SCFD2: variants seen among roughly 807,000 people sequenced by gnomAD.
SCFD2 encodes sec1 family domain containing 2.
SCFD2 carries 54 observed loss-of-function variants against 58.9 expected under a neutral mutation model. The observed-to-expected ratio is 0.92, with a 90% CI of 0.74 to 1.15. The LOEUF (loss-of-function observed/expected upper bound fraction) is 1.15. Ranked by LOEUF, SCFD2 falls within the 50% of genes most tolerant of loss-of-function variation. The probability of loss-of-function intolerance (pLI) is 0.00; values close to 1 mark genes in which losing one functional copy is unlikely to be tolerated. For synonymous variants in SCFD2, 321 were observed against 335.9 expected, an observed-to-expected ratio of 0.96 and a Z score of 0.49; for missense variants, 805 against 836.6, an observed-to-expected ratio of 0.96 and a Z score of 0.47.
At chr4:53,115,163 T>A (rs1725285352) in intron 5 of SCFD2, among the ~76,000 whole-genome samples, 1 of 152,070 alleles carries the variant, frequency 6.6e-6, no homozygotes, top group East Asian at 1.9e-4. Context: ...ATGTAAGTGG[T>A]CTACACACAC....
chr4:53,053,291 G>C (rs1723234714), intron 5 of SCFD2, among the ~76,000 whole-genome samples: 1 of 152,066 alleles, frequency 6.6e-6, no homozygotes, highest in African/African-American at 2.4e-5. Flanking sequence ...TACCTCCAGG[G>C]GGACTGATGG....
At chr4:53,090,584 T>C (rs1724440163) in intron 5 of SCFD2, among the ~76,000 whole-genome samples, 1 of 152,156 alleles carries the variant, frequency 6.6e-6, no homozygotes. Flanking sequence ...AGTATGTGAC[T>C]TGGGATAAGG....
At chr4:53,087,079 T>C (rs1024221285) in intron 5 of SCFD2, among the ~76,000 whole-genome samples, 2 of 152,198 alleles carry the variant, frequency 1.3e-5, no homozygotes, top group African/African-American at 4.8e-5. Context: ...GAATATCCCA[T>C]TTCCCATGAT....
At chr4:53,213,088 C>CA (rs2148983414) in intron 4 of SCFD2, among the ~76,000 whole-genome samples, 1 of 152,126 alleles carries the variant, frequency 6.6e-6, no homozygotes, top group African/African-American at 2.4e-5. Context: ...TACACACAAA[C>CA]AATTTCTAGC....
chr4:53,048,680 G>A (rs1250857569), intron 5 of SCFD2, among the ~76,000 whole-genome samples: 3 of 152,202 alleles, frequency 2.0e-5, no homozygotes, highest in African/African-American at 7.2e-5. Flanking sequence ...GGTCAGGGCT[G>A]CAGGGAGCTG....
At chr4:52,954,440 C>T (rs1171369960) in intron 5 of SCFD2, among the ~76,000 whole-genome samples, 1 of 152,288 alleles carries the variant, frequency 6.6e-6, no homozygotes, top group East Asian at 1.9e-4. Flanking sequence ...GGAAGTCGGG[C>T]GGGTGGCTAC....
chr4:53,087,023 T>C (rs760142384), intron 5 of SCFD2, among the ~76,000 whole-genome samples: 10 of 152,150 alleles, frequency 6.6e-5, no homozygotes, highest in Non-Finnish European at 1.0e-4. Context: ...GCTGGAAAAG[T>C]ATGACTGGAT....
At chr4:53,345,640 ACG>A (rs1491311353) in intron 2 of SCFD2, among the ~76,000 whole-genome samples, 21 of 152,310 alleles carry the variant, frequency 1.4e-4, no homozygotes, top group African/African-American at 4.1e-4. Context: ...ATAAAGACAC[ACG>A]CACATGTATG....
At position 53,365,628 on chromosome 4, in the gene SCFD2, G is replaced by T. The variant is rs1414598630; in HGVS notation, c.314C>A (p.Thr105Lys). The change falls in exon 1 of 9, where the codon ACA (threonine) becomes AAA (lysine). Residue 105 changes from threonine (T) to lysine (K), a missense_variant. By Grantham distance (78) the Thr-to-Lys change is moderately conservative. Around this residue, in one of 3 missense-constraint regions of SCFD2, gnomAD observed 155 missense variants for 149.7 expected, o/e 1.04. Transcript: ENST00000401642. This position sits in a 1 kb window ranked among gnomAD's most constrained non-coding sequence, Gnocchi z 4.3. ...RSHFQYCVVV[T>K]TVSHAVHLTA... ...GAGGTGGACAGCGTGGCTCACGGTT[G>T]TGACCACCACACAATACTGGAAGTG... The T allele has an allele frequency of 1.2e-6, 2 of 1,614,106 alleles. No homozygotes were observed. Among genetic ancestry groups the T allele is most frequent in the African/African-American group, 2.7e-5 (2 of 74,942 alleles).
At chr4:53,135,542 A>G (rs1436003506) in intron 5 of SCFD2, among the ~76,000 whole-genome samples, 1 of 152,124 alleles carries the variant, frequency 6.6e-6, no homozygotes, top group Non-Finnish European at 1.5e-5. Flanking sequence ...AGAGATCGAG[A>G]CCATCCTGGC....
At chr4:53,057,092 G>A (rs1723363132) in intron 5 of SCFD2, among the ~76,000 whole-genome samples, 1 of 152,170 alleles carries the variant, frequency 6.6e-6, no homozygotes, top group African/African-American at 2.4e-5. Flanking sequence ...GGCTGAGGCA[G>A]GAGAATCACT....
chr4:53,329,814 T>A (rs1340449007), intron 2 of SCFD2, among the ~76,000 whole-genome samples: 1 of 151,678 alleles, frequency 6.6e-6, no homozygotes, highest in Non-Finnish European at 1.5e-5. Context: ...GGGAGGACAC[T>A]CAAACCAAAG....
chr4:53,302,624 A>C (rs1732352644), intron 3 of SCFD2, among the ~76,000 whole-genome samples: 1 of 152,230 alleles, frequency 6.6e-6, no homozygotes, highest in African/African-American at 2.4e-5. Context: ...TGGAACCAAA[A>C]AAGAGCCTGC....
At chr4:52,994,860 TA>T (rs762787075) in intron 5 of SCFD2, among the ~76,000 whole-genome samples, 1 of 148,778 alleles carries the variant, frequency 6.7e-6, no homozygotes, top group Non-Finnish European at 1.5e-5. Flanking sequence ...ATCATCGTCA[TA>T]AAAAAAAAGC....
At chr4:53,030,507 C>T (rs1406492133) in intron 5 of SCFD2, among the ~76,000 whole-genome samples, 1 of 152,070 alleles carries the variant, frequency 6.6e-6, no homozygotes, top group Non-Finnish European at 1.5e-5. Flanking sequence ...ACTGCAACCT[C>T]TGCCTCCTGG....
intron 5 of SCFD2, among the ~76,000 whole-genome samples, chr4:53,088,828 C>T (rs1724386581): frequency 1.3e-5 from 2 of 152,042 alleles, no homozygotes; most frequent in South Asian, 4.2e-4. Context: ...TTTTGGGAGG[C>T]AAGGGGTGGC....
intron 3 of SCFD2, among the ~76,000 whole-genome samples, chr4:53,300,655 A>G (rs759090077): frequency 5.8e-4 from 89 of 152,232 alleles, no homozygotes; most frequent in Non-Finnish European, 1.1e-3. Context: ...CATTCTTTTC[A>G]GCACCACACC....
At chr4:52,951,209 G>C (rs1720584934) in intron 5 of SCFD2, among the ~76,000 whole-genome samples, 1 of 152,060 alleles carries the variant, frequency 6.6e-6, no homozygotes, top group South Asian at 2.1e-4. Flanking sequence ...ACTCACCAAA[G>C]AGCCAGCCAT....
At position 53,365,153 on chromosome 4, in the gene SCFD2, A is replaced by C. The variant is rs1734656374; in HGVS notation, c.789T>G (p.Ala263=). 1 of 1,614,272 alleles carries C rather than the reference A, an allele frequency of 6.2e-7. No individual in the cohort carries two copies. Among genetic ancestry groups the C allele is most frequent in the East Asian group, 2.2e-5 (1 of 44,892 alleles). The change falls in exon 1 of 9, where the codon GCT becomes GCG. Residue 263 remains alanine (A), a synonymous_variant. Coordinates refer to ENST00000401642, the MANE Select transcript of SCFD2 (RefSeq NM_152540.4). This position sits in a 1 kb window ranked among gnomAD's most constrained non-coding sequence, Gnocchi z 4.3. The part of the protein sequence containing the change: ...YAPAKNRKKT[A]AGRASVVFVD... Reference sequence around the variant, plus strand: ...CAAAAACCACTGATGCCCTGCCTGCAGCAGTCTTCTTCCTGTTCTTTGCAG... The same window carrying C: ...CAAAAACCACTGATGCCCTGCCTGCCGCAGTCTTCTTCCTGTTCTTTGCAG...
Sources: gnomAD v4.1 joint callset for allele counts (sites outside exome capture counted in the v4.1 genomes callset) on GRCh38, gnomAD v4.1.1 for gene constraint, gnomAD v4.1.1 regional missense constraint, Gnocchi (gnomAD v3.1) non-coding constraint, MANE v1.5 for transcripts, NCBI Gene and HGNC (gene_info 2026-07-23, HGNC 2026-07-21) for gene names.